Variants in BCAS3 observed in about 807,000 individuals in gnomAD.
BCAS3 encodes the protein BCAS4/BCAS3 fusion.
A neutral mutation model predicts 116.1 loss-of-function variants in BCAS3; 53 were observed. The ratio of observed to expected loss-of-function variants is 0.46; its 90% CI spans 0.37 to 0.57. The LOEUF (loss-of-function observed/expected upper bound fraction) is 0.57, where lower values mean the gene tolerates loss of function less well. Among genes scored for constraint, BCAS3 ranks in the 20% least tolerant of loss-of-function variants. The pLI, the probability that BCAS3 is intolerant of heterozygous loss-of-function variation, is 0.00. For synonymous variants in BCAS3, 391 were observed against 408.2 expected (o/e 0.96, Z 0.51); for missense variants, 917 against 1,165.4 (o/e 0.79, Z 3.10).
At chr17:60,880,639 A>G (rs1599385300) in intron 9 of BCAS3, among the ~76,000 whole-genome samples, 2 of 152,084 alleles carry the variant, frequency 1.3e-5, no homozygotes, top group East Asian at 3.9e-4. Flanking sequence ...GTTTGTTTCT[A>G]CTTTTGGGCT....
intron 22 of BCAS3, among the ~76,000 whole-genome samples, chr17:61,358,152 G>C (rs1277697591): frequency 6.6e-6 from 1 of 151,968 alleles, no homozygotes; most frequent in Non-Finnish European, 1.5e-5. Context: ...GTCCCCTATA[G>C]CCTGACTACC....
At chr17:60,685,582 G>A (rs964334854) in intron 3 of BCAS3, among the ~76,000 whole-genome samples, 4 of 151,966 alleles carry the variant, frequency 2.6e-5, no homozygotes, top group African/African-American at 7.3e-5. Context: ...GTGTAAACTC[G>A]GGTTAATCAT....
chr17:61,217,394 C>T lies in BCAS3; in HGVS notation c.2425+132830C>T, dbSNP rs764659465. Among the ~76,000 whole-genome samples, 29 of 152,212 alleles carry T rather than the reference C, an allele frequency of 1.9e-4. No individual in the cohort carries two copies. The highest frequency in any genetic ancestry group is 4.0e-4 in the Non-Finnish European group (27 of 68,034). On this transcript the variant is annotated intron_variant, in intron 22 of 23. Transcript: ENST00000407086. This position sits in a 1 kb window ranked among gnomAD's most constrained non-coding sequence, Gnocchi z 5.2. ...TGAAAAGAATAGATTATTTCCCCAG[C>T]TGGATGATTTCCAGTCCTTACAATG... is the stretch of plus-strand genomic sequence containing the variant.
intron 18 of BCAS3, among the ~76,000 whole-genome samples, chr17:61,039,831 C>T (rs530521817): frequency 6.6e-6 from 1 of 152,282 alleles, no homozygotes; most frequent in East Asian, 1.9e-4. Context: ...TATGCTTCCT[C>T]TATTTGCAAT....
At chr17:60,971,270 T>G (rs1397221617) in intron 14 of BCAS3, among the ~76,000 whole-genome samples, 1 of 152,186 alleles carries the variant, frequency 6.6e-6, no homozygotes, top group Admixed American at 6.5e-5. Flanking sequence ...GAAAAGTCAG[T>G]AAAAATGAAA....
intron 22 of BCAS3, among the ~76,000 whole-genome samples, chr17:61,154,081 G>A (rs2077693309): frequency 6.6e-6 from 1 of 152,172 alleles, no homozygotes; most frequent in African/African-American, 2.4e-5. Context: ...TCCCCCCACT[G>A]CCACTTTGTT....
chr17:60,954,333 G>A (rs568108048), intron 14 of BCAS3, among the ~76,000 whole-genome samples: 35 of 152,024 alleles, frequency 2.3e-4, no homozygotes, highest in African/African-American at 6.3e-4. Flanking sequence ...TTAGGATTAC[G>A]TTGGTTATTT....
At position 61,355,175 on chromosome 17, in the gene BCAS3, G is replaced by C. The variant is rs1165184867; in HGVS notation, c.2426-13152G>C. 1 of 152,170 alleles carries C rather than the reference G, an allele frequency of 6.6e-6. No individual in the cohort carries two copies. Among genetic ancestry groups the C allele is most frequent in the African/African-American group, 2.4e-5 (1 of 41,438 alleles). The allele number at this position is 152,170 out of a possible 1,614,324, so 9.4% of individuals were successfully genotyped here. ...TAAAAGGTCAGAAATAATCCAAGAG[G>C]ACAAGCCACTCGTGTCTGTGTGTAT... On this transcript the variant is annotated intron_variant, in intron 22 of 23. Coordinates refer to ENST00000407086, the MANE Select transcript of BCAS3 (RefSeq NM_017679.5). This position sits in a 1 kb window ranked among gnomAD's most constrained non-coding sequence, Gnocchi z 4.2.
rs59324526 is a variant in BCAS3, at chr17:61,117,124, G to T, written c.2425+32560G>T. 2.3e-3 allele frequency among the ~76,000 whole-genome samples: 352 copies of T among 152,300 alleles called. 4 individuals carry two copies. The highest frequency in any genetic ancestry group is 0.01 in the Middle Eastern group (3 of 294). The stretch of plus-strand genomic sequence containing the variant: ...CACTCCTTTCGGGCTTAAAGGGATA[G>T]AAATGCTACATATTTCATTATAATC... On this transcript the variant is annotated intron_variant, in intron 22 of 23. Transcript: ENST00000407086.
At chr17:61,375,626 A>G (rs1182944536) in intron 23 of BCAS3, among the ~76,000 whole-genome samples, 17 of 150,590 alleles carry the variant, frequency 1.1e-4, no homozygotes, top group Admixed American at 1.1e-3. Context: ...CTAGAGTGCA[A>G]TGGCACAATC....
At chr17:60,822,717 G>T (rs1189412010) in intron 7 of BCAS3, among the ~76,000 whole-genome samples, 2 of 152,184 alleles carry the variant, frequency 1.3e-5, no homozygotes, top group African/African-American at 2.4e-5. Flanking sequence ...TTAAGGAATT[G>T]CACTTCCAGG....
intron 22 of BCAS3, among the ~76,000 whole-genome samples, chr17:61,270,875 T>G (rs891976237): frequency 3.3e-5 from 5 of 152,106 alleles, no homozygotes; most frequent in African/African-American, 1.2e-4. Flanking sequence ...TTCTCCTGCC[T>G]CAGCCTCCCG....
In BCAS3 at chr17:61,376,443, C is replaced by CT. The variant is rs1368579199; in HGVS notation, c.2593+7950dup. 1.3e-5 allele frequency among the ~76,000 whole-genome samples: 2 copies of CT among 152,246 alleles called. No homozygotes were observed. The highest frequency in any genetic ancestry group is 2.9e-5 in the Non-Finnish European group (2 of 68,044). ...CTTCTCTCCTCTTCCTACAGCCACTCTATCAGGCAAACTGGTATTTACCCC... is the reference window on the plus strand; with the variant it reads ...CTTCTCTCCTCTTCCTACAGCCACTCTTATCAGGCAAACTGGTATTTACCCC... On this transcript the variant is annotated intron_variant, in intron 23 of 23. Coordinates refer to ENST00000407086, the MANE Select transcript of BCAS3 (RefSeq NM_017679.5). This position sits in a 1 kb window ranked among gnomAD's most constrained non-coding sequence, Gnocchi z 4.5.
chr17:61,378,459 A>G lies in BCAS3; in HGVS notation c.2593+9965A>G, dbSNP rs1479156549. The stretch of plus-strand genomic sequence containing the variant: ...GCAAAGAGTGTATGCTGCCTTTTCC[A>G]TTAACTTGCTCACCAATTCCCTTCG... On this transcript the variant is annotated intron_variant, in intron 23 of 23. Coordinates refer to ENST00000407086, the MANE Select transcript of BCAS3 (RefSeq NM_017679.5). This position sits in a 1 kb window ranked among gnomAD's most constrained non-coding sequence, Gnocchi z 5.8. 6.6e-6 allele frequency: 1 copy of G among 152,084 alleles called. No individual in the cohort carries two copies. The highest frequency in any genetic ancestry group is 2.4e-5 in the African/African-American group (1 of 41,366). The allele number at this position is 152,084 out of a possible 1,614,324, so 9.4% of individuals were successfully genotyped here.
chr17:61,122,861 T>G lies in BCAS3; in HGVS notation c.2425+38297T>G, dbSNP rs551552885. On this transcript the variant is annotated intron_variant, in intron 22 of 23. Coordinates refer to ENST00000407086, the MANE Select transcript of BCAS3 (RefSeq NM_017679.5). This position sits in a 1 kb window ranked among gnomAD's most constrained non-coding sequence, Gnocchi z 4.6. ...ATTCACATACAGTTTGCATTTACTT[T>G]GATTTATGTTTAAATGGCTTATCTC... Among the ~76,000 whole-genome samples the G allele has an allele frequency of 6.6e-5, 10 of 152,330 alleles. No homozygotes were observed. In the East Asian group the frequency reaches 1.5e-3, roughly 23 times the overall value.
intron 22 of BCAS3, among the ~76,000 whole-genome samples, chr17:61,179,610 G>C (rs1354695497): frequency 6.6e-6 from 1 of 152,194 alleles, no homozygotes; most frequent in African/African-American, 2.4e-5. Flanking sequence ...GGCTTAATCT[G>C]TAAGCTTGAT....
chr17:61,029,705 A>G lies in BCAS3; in HGVS notation c.1638-4961A>G, dbSNP rs1033692445. Among the ~76,000 whole-genome samples, 1 of 152,008 alleles carries G rather than the reference A, an allele frequency of 6.6e-6. No homozygotes were observed. The highest frequency in any genetic ancestry group is 1.5e-5 in the Non-Finnish European group (1 of 67,936). ...GTCCATATAAGTATATTTCTTCCTC[A>G]TAAAATGTTTTCATATTATATAAGG... On this transcript the variant is annotated intron_variant, in intron 16 of 23. Coordinates refer to ENST00000407086, the MANE Select transcript of BCAS3 (RefSeq NM_017679.5). This position sits in a 1 kb window ranked among gnomAD's most constrained non-coding sequence, Gnocchi z 5.2.
intron 6 of BCAS3, among the ~76,000 whole-genome samples, chr17:60,755,552 A>T (rs2042915475): frequency 6.6e-6 from 1 of 152,216 alleles, no homozygotes; most frequent in Admixed American, 6.5e-5. Context: ...CTTGTTTTAT[A>T]TCATTTAAGC....
At chr17:61,340,653 A>AT (rs2057081391) in intron 22 of BCAS3, among the ~76,000 whole-genome samples, 1 of 152,066 alleles carries the variant, frequency 6.6e-6, no homozygotes, top group African/African-American at 2.4e-5. Context: ...TAGAAGTTGG[A>AT]TTTAACAAGG....
Sources: gnomAD v4.1 joint callset for allele counts (sites outside exome capture counted in the v4.1 genomes callset) on GRCh38, gnomAD v4.1.1 for gene constraint, Gnocchi (gnomAD v3.1) non-coding constraint, MANE v1.5 for transcripts, NCBI Gene and HGNC (gene_info 2026-07-23, HGNC 2026-07-21) for gene names.